The following ENPP3 variants were observed in gnomAD, a reference collection of about 807,000 sequenced individuals.
ENPP3 encodes ectonucleotide pyrophosphatase/phosphodiesterase 3.
ENPP3 carries 104 observed loss-of-function variants against 117.8 expected under a neutral mutation model. The ratio of observed to expected loss-of-function variants is 0.88; its 90% CI spans 0.75 to 1.04. The LOEUF (loss-of-function observed/expected upper bound fraction) is 1.04, where lower values mean the gene tolerates loss of function less well. Among genes scored for constraint, ENPP3 ranks in the 50% least tolerant of loss-of-function variants. ENPP3 has a pLI of 0.00. For missense variants in ENPP3, 1,026 were observed against 1,051.9 expected (o/e 0.98, Z 0.34); for synonymous variants, 380 against 349.9 (o/e 1.09, Z -0.96).
chr6:131,641,799 G>GTTTTTTTTTTTTTTTTTTTTTTTTTTT lies in ENPP3; in HGVS notation c.154+293_154+294insTTTTTTTTTTTTTTTTTTTTTTTTTTT, dbSNP rs540011427. Among the ~76,000 whole-genome samples the GTTTTTTTTTTTTTTTTTTTTTTTTTTT allele has an allele frequency of 3.7e-4, 24 of 64,062 alleles. 1 individual carries two copies. Among genetic ancestry groups the GTTTTTTTTTTTTTTTTTTTTTTTTTTT allele is most frequent in the East Asian group, 3.0e-3 (4 of 1,330 alleles). 42.0% of individuals were successfully genotyped at this position (64,062 alleles called of 152,430 possible). ...TTTTCTCTTACCTTTCTCCACCCTGGTTTTTTTTTTTTTTTTTTTTTTTTG... is the reference window on the plus strand; with the variant it reads ...TTTTCTCTTACCTTTCTCCACCCTGGTTTTTTTTTTTTTTTTTTTTTTTTTTTTTTTTTTTTTTTTTTTTTTTTTTTG... On this transcript the variant is annotated intron_variant, in intron 2 of 24. Coordinates refer to ENST00000357639, the MANE Select transcript of ENPP3 (RefSeq NM_005021.5).
At chr6:131,700,447 A>C in intron 15 of ENPP3, 1 of 828,802 alleles carries the variant, frequency 1.2e-6, no homozygotes, top group Non-Finnish European at 1.7e-6. Context: ...GGTCACTGTC[A>C]GTCACAATGC....
In ENPP3 at chr6:131,650,709, A is replaced by G. The variant is rs139904809; in HGVS notation, c.277+560A>G. Among the ~76,000 whole-genome samples the G allele has an allele frequency of 3.4e-3, 524 of 152,252 alleles. 5 individuals are homozygous for G. The highest frequency in any genetic ancestry group is 0.012 in the African/African-American group (504 of 41,558). On this transcript the variant is annotated intron_variant, in intron 3 of 24. Coordinates refer to ENST00000357639, the MANE Select transcript of ENPP3 (RefSeq NM_005021.5). Reference sequence around the variant, plus strand: ...AAGACTCCAAAAGAGAATCCGCTCCATGCCTCTCTCCTAGCTTCTGGTGGC... The same window carrying G: ...AAGACTCCAAAAGAGAATCCGCTCCGTGCCTCTCTCCTAGCTTCTGGTGGC...
chr6:131,677,814 C>A (rs543771449), intron 10 of ENPP3, 54 bp from the exon 11 acceptor site: 11 of 1,167,120 alleles, frequency 9.4e-6, no homozygotes, highest in Non-Finnish European at 1.3e-5. Flanking sequence ...CCCAATCCAG[C>A]CTGTATGTTT....
At chr6:131,643,697 A>C (rs1221912228) in intron 2 of ENPP3, among the ~76,000 whole-genome samples, 2 of 152,092 alleles carry the variant, frequency 1.3e-5, no homozygotes, top group Non-Finnish European at 2.9e-5. Flanking sequence ...GCATGTTCTT[A>C]CAGATTTACC....
intron 18 of ENPP3, among the ~76,000 whole-genome samples, chr6:131,723,371 G>T (rs1322548691): frequency 1.3e-5 from 2 of 152,102 alleles, no homozygotes; most frequent in South Asian, 2.1e-4. Flanking sequence ...AAGGGTGTGG[G>T]TTTCCTACCG....
At chr6:131,650,228 C>G in intron 3 of ENPP3, 79 bp downstream of exon 3, 1 of 1,529,066 alleles carries the variant, frequency 6.5e-7, no homozygotes, top group East Asian at 2.3e-5. Flanking sequence ...TCTTTTCTTT[C>G]CTTTTTTTTG....
At chr6:131,693,133 A>AC (rs769935460) in intron 14 of ENPP3, among the ~76,000 whole-genome samples, 1 of 147,220 alleles carries the variant, frequency 6.8e-6, no homozygotes, top group African/African-American at 2.5e-5. Flanking sequence ...ACACACACAC[A>AC]CACCCCCAGG....
chr6:131,662,308 G>C (rs1321825907), intron 6 of ENPP3, among the ~76,000 whole-genome samples: 1 of 151,798 alleles, frequency 6.6e-6, no homozygotes, highest in Non-Finnish European at 1.5e-5. Context: ...GTGATGGTGT[G>C]ATCTCAGCTC....
intron 24 of ENPP3, among the ~76,000 whole-genome samples, chr6:131,746,284 A>G (rs1031075811): frequency 2.0e-5 from 3 of 152,194 alleles, no homozygotes; most frequent in Non-Finnish European, 4.4e-5. Context: ...CACAAACCAC[A>G]GCTAAGAACA....
intron 11 of ENPP3, among the ~76,000 whole-genome samples, chr6:131,678,759 A>G (rs915360051): frequency 6.6e-6 from 1 of 152,200 alleles, no homozygotes; most frequent in African/African-American, 2.4e-5. Context: ...GACTTACTCA[A>G]GCCTCACCAC....
intron 24 of ENPP3, among the ~76,000 whole-genome samples, chr6:131,745,416 C>T (rs1372756896): frequency 1.3e-5 from 2 of 151,672 alleles, no homozygotes; most frequent in Non-Finnish European, 2.9e-5. Context: ...ACCACTGCAT[C>T]GAAGTCAAAT....
intron 18 of ENPP3, among the ~76,000 whole-genome samples, 163 bp downstream of exon 18, chr6:131,722,568 T>C (rs953406207): frequency 1.3e-5 from 2 of 152,196 alleles, no homozygotes; most frequent in African/African-American, 4.8e-5. Context: ...AAACGAGAAG[T>C]GAGAATGCAT....
At chr6:131,713,424 A>G (rs944072403) in intron 15 of ENPP3, among the ~76,000 whole-genome samples, 6 of 149,030 alleles carry the variant, frequency 4.0e-5, no homozygotes, top group Non-Finnish European at 7.4e-5. Context: ...GTCACATACT[A>G]ATTTATTTTT....
At chr6:131,659,879 G>GCTTTT (rs1778462136) in intron 6 of ENPP3, among the ~76,000 whole-genome samples, 1 of 152,088 alleles carries the variant, frequency 6.6e-6, no homozygotes, top group African/African-American at 2.4e-5. Flanking sequence ...GACTAGCCAG[G>GCTTTT]GTGAACTGAA....
chr6:131,640,273 T>TA (rs1778014204), intron 1 of ENPP3, among the ~76,000 whole-genome samples: 1 of 152,230 alleles, frequency 6.6e-6, no homozygotes, highest in Admixed American at 6.5e-5. Context: ...GTAGTCACTC[T>TA]AGTTTCAGTC....
chr6:131,675,445 C>T, intron 9 of ENPP3: 1 of 362,786 alleles, frequency 2.8e-6, no homozygotes, highest in Non-Finnish European at 5.1e-6. Context: ...CATCTCTTGC[C>T]TGTATTAACT....
chr6:131,669,351 T>C (rs1778689625), intron 6 of ENPP3, among the ~76,000 whole-genome samples: 1 of 152,054 alleles, frequency 6.6e-6, no homozygotes, highest in Non-Finnish European at 1.5e-5. Context: ...CTTAAATACA[T>C]TAGGATGACC....
In ENPP3 at chr6:131,732,799, C is replaced by T. The variant is rs139313807; in HGVS notation, c.1954-789C>T. ...TCACCCAAGCTGGAGTGCAATGGCC[C>T]AGTCTCAGCTCACCTCCGCCTCCCG... On this transcript the variant is annotated intron_variant, in intron 20 of 24. Coordinates refer to ENST00000357639, the MANE Select transcript of ENPP3 (RefSeq NM_005021.5). Among the ~76,000 whole-genome samples, 495 of 148,774 alleles carry T rather than the reference C, an allele frequency of 3.3e-3. 2 individuals are homozygous for T. The highest frequency in any genetic ancestry group is 0.012 in the African/African-American group (476 of 40,394).
intron 2 of ENPP3, among the ~76,000 whole-genome samples, chr6:131,643,624 C>A (rs2114290858): frequency 6.6e-6 from 1 of 152,252 alleles, no homozygotes; most frequent in East Asian, 1.9e-4. Context: ...CCATTTTCCA[C>A]TCCAGTTAAC....
Sources: allele counts gnomAD v4.1 joint callset (sites outside exome capture counted in the v4.1 genomes callset), GRCh38; gene constraint gnomAD v4.1.1; transcripts MANE v1.5; gene names NCBI Gene and HGNC (gene_info 2026-07-23, HGNC 2026-07-21).